GLOD4: variants seen among roughly 807,000 people sequenced by gnomAD.
GLOD4 encodes glyoxalase domain containing 4.
A neutral mutation model predicts 39.1 loss-of-function variants in GLOD4; 44 were observed. The ratio of observed to expected loss-of-function variants is 1.13; its 90% CI spans 0.88 to 1.45. The LOEUF (loss-of-function observed/expected upper bound fraction) is 1.45, where lower values mean the gene tolerates loss of function less well. GLOD4 is among the 40% of genes most tolerant of loss of function. GLOD4 has a pLI of 0.00. For synonymous variants in GLOD4, 145 were observed against 135.0 expected, an observed-to-expected ratio of 1.07 and a Z score of -0.52; for missense variants, 405 against 366.4, an observed-to-expected ratio of 1.11 and a Z score of -0.86.
At chr17:779,979 A>G (rs1254678225) in intron 1 of GLOD4, among the ~76,000 whole-genome samples, 2 of 152,106 alleles carry the variant, frequency 1.3e-5, no homozygotes, top group Non-Finnish European at 2.9e-5. Context: ...CCTGGCTAAC[A>G]CAGTAAAACC....
At position 759,917 on chromosome 17, in the gene GLOD4, C is replaced by T. The variant is rs1029219409; in HGVS notation, c.*256G>A. The stretch of plus-strand genomic sequence containing the variant: ...GGACAATCATCTGTCACTCATCCAA[C>T]ACAGTTATATACAGAATGCGCAGTC... On this transcript the variant is annotated 3_prime_UTR_variant, in exon 9 of 9. Transcript: ENST00000301329. 2.2e-6 allele frequency: 1 copy of T among 448,644 alleles called. No homozygotes were observed. The highest frequency in any genetic ancestry group is 4.0e-6 in the Non-Finnish European group (1 of 252,270). The allele number at this position is 448,644 out of a possible 1,614,324, so 27.8% of individuals were successfully genotyped here. A position where few individuals can be genotyped will look rare whatever the true frequency, so the allele number is the denominator to read the frequency against.
intron 5 of GLOD4, 53 bp from the exon 6 acceptor site, chr17:770,560 G>C (rs940934181): frequency 1.2e-6 from 1 of 823,926 alleles, no homozygotes; most frequent in Admixed American, 1.7e-5. Context: ...TTCATTACAC[G>C]TATGTGGTAG....
At position 771,421 on chromosome 17, in the gene GLOD4, T is replaced by C. The variant is rs747459101; in HGVS notation, c.447A>G (p.Gln149=). ...GATTACACCAGTAGTTCAAGGACTTTTGAAGATCAGACACTGCTAGAGTTA... is the reference window on the plus strand; with the variant it reads ...GATTACACCAGTAGTTCAAGGACTTCTGAAGATCAGACACTGCTAGAGTTA... ...LKVTLAVSDL[Q]KSLNYWCNLL... Residue 149 remains glutamine, a synonymous_variant, in exon 5 of 9, where the codon CAA becomes CAG. Coordinates refer to ENST00000301329, the MANE Select transcript of GLOD4 (RefSeq NM_016080.4). The C allele has an allele frequency of 8.2e-6, 13 of 1,583,566 alleles. No homozygotes were observed. The highest frequency in any genetic ancestry group is 3.4e-5 in the South Asian group (3 of 89,334).
chr17:782,577 G>A, upstream of GLOD4: 1 of 1,614,116 alleles, frequency 6.2e-7, no homozygotes, highest in Non-Finnish European at 8.5e-7. Flanking sequence ...TGAGGCCAGT[G>A]CCCAGGAGCA....
upstream of GLOD4, among the ~76,000 whole-genome samples, chr17:784,029 A>G (rs373103576): frequency 3.3e-5 from 5 of 152,190 alleles, no homozygotes; most frequent in African/African-American, 1.2e-4. Context: ...ACAAGCCACA[A>G]TTTACTGCCC....
chr17:761,928 A>G (rs1905516500), intron 8 of GLOD4, among the ~76,000 whole-genome samples: 1 of 152,234 alleles, frequency 6.6e-6, no homozygotes, highest in African/African-American at 2.4e-5. Context: ...TGGAATAGGG[A>G]TGAGTTAGGG....
At chr17:771,960 CCG>C (rs1243031473) in intron 4 of GLOD4, among the ~76,000 whole-genome samples, 1 of 147,088 alleles carries the variant, frequency 6.8e-6, no homozygotes, top group African/African-American at 2.5e-5. Context: ...TTGCAGTGAG[CCG>C]AGATGGCGCC....
intron 2 of GLOD4, among the ~76,000 whole-genome samples, chr17:777,879 G>T (rs931095964): frequency 7.2e-5 from 11 of 152,294 alleles, no homozygotes; most frequent in Admixed American, 4.6e-4. Flanking sequence ...ATAGACTCAG[G>T]ATGGGGCTGG....
At chr17:782,365 G>T, upstream of GLOD4, 1 of 1,613,348 alleles carries the variant, frequency 6.2e-7, no homozygotes, top group Non-Finnish European at 8.5e-7. Flanking sequence ...GACGCAGCCC[G>T]GGTCTCAGGG....
At chr17:782,647 C>T (rs1292503960), upstream of GLOD4, 4 of 1,612,964 alleles carry the variant, frequency 2.5e-6, no homozygotes, top group Non-Finnish European at 3.4e-6. Flanking sequence ...TGGGAAGAGT[C>T]TGGGCTTCGC....
chr17:778,647 G>A (rs778003310), intron 2 of GLOD4, 48 bp downstream of exon 2: 21 of 1,029,890 alleles, frequency 2.0e-5, no homozygotes, highest in Middle Eastern at 4.1e-4. Context: ...TCTGTTATCC[G>A]GGTGTAGTCA....
intron 8 of GLOD4, among the ~76,000 whole-genome samples, chr17:766,208 G>A (rs1265887760): frequency 6.6e-6 from 1 of 151,986 alleles, no homozygotes; most frequent in African/African-American, 2.4e-5. Flanking sequence ...TGAGGTGGGA[G>A]GATCACTGGA....
rs368763928 is a variant in GLOD4 at position 760,030 on chromosome 17, T to C, written c.*143A>G. 1.3e-5 allele frequency: 8 copies of C among 633,824 alleles called. No individual in the cohort carries two copies. Among genetic ancestry groups the C allele is most frequent in the African/African-American group, 9.2e-5 (5 of 54,480 alleles). The allele number at this position is 633,824 out of a possible 1,614,324, so 39.3% of individuals were successfully genotyped here. A position where few individuals can be genotyped will look rare whatever the true frequency, so the allele number is the denominator to read the frequency against. ...TAAATTACATCAGAGCTTTCAAAGA[T>C]TGAAATACACAAATCTGCACTACCC... On this transcript the variant is annotated 3_prime_UTR_variant, in exon 9 of 9. Coordinates refer to ENST00000301329, the MANE Select transcript of GLOD4 (RefSeq NM_016080.4).
At position 770,506 on chromosome 17, in the gene GLOD4, C is replaced by T. The variant is rs1192884258; in HGVS notation, c.545G>A (p.Cys182Tyr). The T allele has an allele frequency of 3.3e-6, 5 of 1,498,460 alleles. No individual in the cohort carries two copies. The highest frequency in any genetic ancestry group is 4.7e-6 in the Non-Finnish European group (5 of 1,074,340). The allele number at this position is 1,498,460 out of a possible 1,614,324, so 92.8% of individuals were successfully genotyped here. ...RALLGYADNQ[C>Y]KLELQGVKGG... ...CTTGACGCCCTGTAGCTCCAGCTTA[C>T]ACTGAAATAGGAAAGGGGGTTATTT... Residue 182 changes from cysteine to tyrosine, a missense_variant and splice_region_variant, in exon 6 of 9, where the codon TGT becomes TAT. By Grantham distance (194) the Cys-to-Tyr change is radical. Transcript: ENST00000301329.
chr17:768,449 G>A (rs74946760), intron 8 of GLOD4, among the ~76,000 whole-genome samples: 4 of 110,698 alleles, frequency 3.6e-5, no homozygotes, highest in South Asian at 6.6e-4. Flanking sequence ...GACATAAGAG[G>A]GAGAAACAGC....
At position 759,498 on chromosome 17, in the gene GLOD4, T is replaced by A. The variant is rs1488669682; in HGVS notation, c.*675A>T. On this transcript the variant is annotated 3_prime_UTR_variant, in exon 9 of 9. Transcript: ENST00000301329. ...TCCATTTTAAAGAAATCTCACATGATGTTCTGTCGGGATTAAAAATATACA... is the reference window on the plus strand; with the variant it reads ...TCCATTTTAAAGAAATCTCACATGAAGTTCTGTCGGGATTAAAAATATACA... The A allele has an allele frequency of 6.6e-6, 1 of 152,136 alleles. No homozygotes were observed. Among genetic ancestry groups the A allele is most frequent in the Non-Finnish European group, 1.5e-5 (1 of 68,030 alleles). The allele number at this position is 152,136 out of a possible 1,614,324, so 9.4% of individuals were successfully genotyped here. A position where few individuals can be genotyped will look rare whatever the true frequency, so the allele number is the denominator to read the frequency against.
Position 776,910 on chromosome 17 carries a change from G to C in GLOD4, c.219C>G (p.Tyr73Ter), listed in dbSNP as rs753328981. 1.6e-5 allele frequency: 26 copies of C among 1,611,970 alleles called. No individual in the cohort carries two copies. Among genetic ancestry groups the C allele is most frequent in the African/African-American group, 1.6e-4 (12 of 74,872 alleles). ...GCTTGTAGTCTCCGACGCCATAATT[G>C]TAAGTCAGTTCTGCGACAAAATGAT... ...EDDHFVAELT[Y>*]NYGVGDYKLG... The change falls in exon 3 of 9, where the codon TAC (tyrosine) becomes TAG (stop). Residue 73 changes from tyrosine (Y) to a stop codon, truncating the protein, a stop_gained. Transcript: ENST00000301329. LOFTEE classifies it high-confidence loss of function.
In GLOD4 at chr17:775,691, A is replaced by G. The variant is rs1015517225; in HGVS notation, c.406+84T>C. 3.5e-6 allele frequency: 4 copies of G among 1,135,976 alleles called. No homozygotes were observed. The African/African-American group carries it at 4.6e-5, about 13-fold the overall frequency. 70.4% of individuals were successfully genotyped at this position (1,135,976 alleles called of 1,614,324 possible). ...GACACGTCACGTGAACACAGACTCT[A>G]CAAAAAAAAGACAGGCAGCCCTCAC... On this transcript the variant is annotated intron_variant, in intron 4 of 8. Coordinates refer to ENST00000301329, the MANE Select transcript of GLOD4 (RefSeq NM_016080.4).
chr17:782,794 G>T (rs1236600779), upstream of GLOD4: 4 of 1,266,722 alleles, frequency 3.2e-6, no homozygotes, highest in East Asian at 2.5e-5. Context: ...AGTACAGCCC[G>T]CTGGTTTTTG....
Sources: gnomAD v4.1 joint callset for allele counts (sites outside exome capture counted in the v4.1 genomes callset) on GRCh38, gnomAD v4.1.1 for gene constraint, MANE v1.5 for transcripts, NCBI Gene and HGNC (gene_info 2026-07-23, HGNC 2026-07-21) for gene names.